Variants in SMIM20 observed in about 807,000 individuals in gnomAD.
The protein encoded by SMIM20 is mitochondrial translation regulation assembly intermediate of cytochrome c oxidase protein of 7 kDa.
A neutral mutation model predicts 8.7 loss-of-function variants in SMIM20; 3 were observed. The observed-to-expected ratio is 0.34, with a 90% CI of 0.16 to 0.89. The LOEUF is 0.89. Among genes scored for constraint, SMIM20 ranks in the 40% least tolerant of loss-of-function variants. The probability of loss-of-function intolerance (pLI) is 0.49; values close to 1 mark genes in which losing one functional copy is unlikely to be tolerated. For missense variants in SMIM20, 85 were observed against 84.8 expected (o/e 1.00, Z -0.01); for synonymous variants, 44 against 33.6 (o/e 1.31, Z -1.07).
intron 1 of SMIM20, among the ~76,000 whole-genome samples, chr4:25,924,274 A>G (rs1173568319): frequency 6.6e-6 from 1 of 152,208 alleles, no homozygotes; most frequent in Non-Finnish European, 1.5e-5. Flanking sequence ...TGAAATAATC[A>G]CCATGGAAGA....
intron 1 of SMIM20, among the ~76,000 whole-genome samples, chr4:25,919,935 C>T (rs959954509): frequency 3.3e-5 from 5 of 152,174 alleles, no homozygotes; most frequent in African/African-American, 4.8e-5. Flanking sequence ...TATCTTCACC[C>T]GCGTTCTTTA....
chr4:25,926,266 G>C (rs1432163439), intron 1 of SMIM20, among the ~76,000 whole-genome samples: 1 of 152,192 alleles, frequency 6.6e-6, no homozygotes, highest in East Asian at 1.9e-4. Flanking sequence ...AGAGTATTCT[G>C]CATTCACAGA....
At chr4:25,915,858 G>GT (rs1719079992) in intron 1 of SMIM20, among the ~76,000 whole-genome samples, 2 of 108,090 alleles carry the variant, frequency 1.9e-5, no homozygotes, top group African/African-American at 4.6e-5. Context: ...TTGGGATGGG[G>GT]CGGGGGGGGG....
chr4:25,924,297 T>C (rs1719249012), intron 1 of SMIM20, among the ~76,000 whole-genome samples: 1 of 152,174 alleles, frequency 6.6e-6, no homozygotes, highest in Non-Finnish European at 1.5e-5. Flanking sequence ...CAAAATGGTG[T>C]TGGACTTTTC....
chr4:25,915,955 C>G (rs895092684), intron 1 of SMIM20, among the ~76,000 whole-genome samples: 7 of 150,654 alleles, frequency 4.6e-5, no homozygotes, highest in African/African-American at 1.7e-4. Flanking sequence ...ACCCCCATGA[C>G]AAAGAATTAC....
intron 1 of SMIM20, among the ~76,000 whole-genome samples, chr4:25,923,036 C>T (rs1289366006): frequency 6.6e-6 from 1 of 152,208 alleles, no homozygotes; most frequent in Non-Finnish European, 1.5e-5. Flanking sequence ...GCAAGGCTTT[C>T]CTAAGTGTTA....
rs946994965 is a variant in SMIM20 at position 25,914,247 on chromosome 4, C to A, written c.-67C>A. The A allele has an allele frequency of 4.3e-5, 65 of 1,511,150 alleles. No homozygotes were observed. Among genetic ancestry groups the A allele is most frequent in the Non-Finnish European group, 5.3e-5 (59 of 1,123,464 alleles). 93.6% of individuals were successfully genotyped at this position (1,511,150 alleles called of 1,614,324 possible). On this transcript the variant is annotated 5_prime_UTR_variant, in exon 1 of 3. Transcript: ENST00000506197. ...CTTCCGAGCGGGGTCACGGCCCGGC[C>A]GTCGGTAACCTGGTTTCCGAGAGTG...
chr4:25,918,175 C>G (rs1719129456), intron 1 of SMIM20, among the ~76,000 whole-genome samples: 1 of 152,042 alleles, frequency 6.6e-6, no homozygotes, highest in South Asian at 2.1e-4. Context: ...ACCTCCTGAC[C>G]TCGTGATCCG....
Position 25,921,034 on chromosome 4 carries a change from C to T in SMIM20, c.109+6612C>T, listed in dbSNP as rs971810992. Reference sequence around the variant, plus strand: ...AATGTACTCCCACAGATGAGTGACACAGGACTGTATGTTAGTAAGAGCAGT... The same window carrying T: ...AATGTACTCCCACAGATGAGTGACATAGGACTGTATGTTAGTAAGAGCAGT... On this transcript the variant is annotated intron_variant, in intron 1 of 2. Transcript: ENST00000506197. Among the ~76,000 whole-genome samples, 3 of 152,200 alleles carry T rather than the reference C, an allele frequency of 2.0e-5. No homozygotes were observed. In the East Asian group the frequency reaches 5.8e-4, roughly 29 times the overall value.
intron 1 of SMIM20, among the ~76,000 whole-genome samples, chr4:25,924,917 C>T (rs1719260795): frequency 2.0e-5 from 3 of 152,196 alleles, no homozygotes; most frequent in South Asian, 4.1e-4. Context: ...GAAAATACCA[C>T]ACATAAGTAC....
At chr4:25,921,957 A>G (rs896103084) in intron 1 of SMIM20, among the ~76,000 whole-genome samples, 1 of 152,216 alleles carries the variant, frequency 6.6e-6, no homozygotes, top group African/African-American at 2.4e-5. Flanking sequence ...CTGCTTAGAG[A>G]CAGTAAAAGA....
At chr4:25,924,045 C>T (rs779610766) in intron 1 of SMIM20, among the ~76,000 whole-genome samples, 6 of 152,018 alleles carry the variant, frequency 3.9e-5, no homozygotes, top group Non-Finnish European at 4.4e-5. Flanking sequence ...CTTGTCACCA[C>T]GTCCATTTGG....
chr4:25,921,685 G>A (rs978323846), intron 1 of SMIM20, among the ~76,000 whole-genome samples: 8 of 152,190 alleles, frequency 5.3e-5, no homozygotes, highest in African/African-American at 1.9e-4. Context: ...TCATCAGCAC[G>A]TGGCTGGGAA....
chr4:25,917,365 A>G (rs1171971775), intron 1 of SMIM20, among the ~76,000 whole-genome samples: 1 of 152,144 alleles, frequency 6.6e-6, no homozygotes, highest in Non-Finnish European at 1.5e-5. Flanking sequence ...AGGTGTGGAA[A>G]CACCTACTAT....
chr4:25,921,539 T>G (rs561600406), intron 1 of SMIM20, among the ~76,000 whole-genome samples: 1 of 152,170 alleles, frequency 6.6e-6, no homozygotes, highest in African/African-American at 2.4e-5. Context: ...AAAAGACAAG[T>G]TAGTTTGCTT....
chr4:25,921,887 A>C (rs1719209448), intron 1 of SMIM20, among the ~76,000 whole-genome samples: 2 of 152,188 alleles, frequency 1.3e-5, no homozygotes, highest in South Asian at 2.1e-4. Flanking sequence ...GAGAGGCTGC[A>C]GTCACAAGCC....
intron 1 of SMIM20, among the ~76,000 whole-genome samples, chr4:25,915,054 T>A (rs1719058471): frequency 6.6e-6 from 1 of 152,194 alleles, no homozygotes; most frequent in South Asian, 2.1e-4. Context: ...CTCCCCAAGA[T>A]GTTTTTTGAG....
chr4:25,918,889 CTTTTTTTT>C (rs775952783), intron 1 of SMIM20, among the ~76,000 whole-genome samples: 5 of 91,694 alleles, frequency 5.5e-5, no homozygotes, highest in South Asian at 8.3e-4. Context: ...ATGTGAATAT[CTTTTTTTT>C]TTTTTTTTTT....
chr4:25,923,760 G>C (rs1223736238), intron 1 of SMIM20, among the ~76,000 whole-genome samples: 2 of 152,232 alleles, frequency 1.3e-5, no homozygotes, highest in Non-Finnish European at 2.9e-5. Context: ...TTCTTACCTT[G>C]TCAGGGCATT....
Sources: allele counts gnomAD v4.1 joint callset (sites outside exome capture counted in the v4.1 genomes callset), GRCh38; gene constraint gnomAD v4.1.1; transcripts MANE v1.5; gene names NCBI Gene and HGNC (gene_info 2026-07-23, HGNC 2026-07-21).